Variants in SUV39H2 observed in about 807,000 individuals in gnomAD.
The protein encoded by SUV39H2 is SUV39H2 histone lysine methyltransferase.
A neutral mutation model predicts 47.5 loss-of-function variants in SUV39H2; 10 were observed. The observed-to-expected ratio is 0.21, with a 90% CI of 0.13 to 0.36. The LOEUF is 0.36. SUV39H2 is among the 10% of genes least tolerant of loss of function. SUV39H2 has a pLI of 1.00. For missense variants in SUV39H2, 266 were observed against 487.4 expected, an observed-to-expected ratio of 0.55 and a Z score of 4.28; for synonymous variants, 159 against 166.8, an observed-to-expected ratio of 0.95 and a Z score of 0.36.
intron 1 of SUV39H2, 192 bp downstream of exon 1, chr10:14,879,111 C>T: frequency 7.9e-7 from 1 of 1,266,518 alleles, no homozygotes; most frequent in Non-Finnish European, 9.9e-7. Context: ...CCTGCCCGGC[C>T]GGCTCCCGCC....
At chr10:14,878,941 C>G in intron 1 of SUV39H2, 22 bp downstream of exon 1, 2 of 1,452,110 alleles carry the variant, frequency 1.4e-6, no homozygotes, top group South Asian at 2.8e-5. Flanking sequence ...GCGCGGCCCC[C>G]TCGCCTTCCC....
intron 2 of SUV39H2, among the ~76,000 whole-genome samples, chr10:14,895,352 A>G (rs1431869076): frequency 4.0e-5 from 6 of 151,680 alleles, no homozygotes; most frequent in Non-Finnish European, 8.8e-5. Context: ...AATTTTTTGT[A>G]TTTTTAGTAG....
chr10:14,899,468 T>C lies in SUV39H2; in HGVS notation c.850-71T>C. 9.3e-6 allele frequency: 14 copies of C among 1,513,166 alleles called. No individual in the cohort carries two copies. The South Asian group carries it at 1.7e-4, about 18-fold the overall frequency. The allele number at this position is 1,513,166 out of a possible 1,614,324, so 93.7% of individuals were successfully genotyped here. ...TAAATATTTGTAGGTATTCGCATAT[T>C]AGTAGATAGGTAGATGAATGCTTCT... On this transcript the variant is annotated intron_variant, in intron 3 of 5. Transcript: ENST00000354919.
chr10:14,895,915 T>G (rs540761842), intron 2 of SUV39H2, among the ~76,000 whole-genome samples: 4 of 138,298 alleles, frequency 2.9e-5, no homozygotes, highest in Admixed American at 1.4e-4. Context: ...TCAGTGTGGG[T>G]TTTTTTTTTT....
At position 14,894,368 on chromosome 10, in the gene SUV39H2, T is replaced by G. The variant is rs1176984152; in HGVS notation, c.178-2478T>G. 2.3e-4 allele frequency among the ~76,000 whole-genome samples: 12 copies of G among 51,522 alleles called. 3 individuals are homozygous for G. Among genetic ancestry groups the G allele is most frequent in the Admixed American group, 7.6e-4 (4 of 5,254 alleles). 33.8% of individuals were successfully genotyped at this position (51,522 alleles called of 152,430 possible). The stretch of plus-strand genomic sequence containing the variant: ...AAAGAAAGCAAAGTTTTTTTTTTTT[T>G]TTTTTTTTTTTTTTTTTGAGACGGA... On this transcript the variant is annotated intron_variant, in intron 2 of 5. Transcript: ENST00000354919.
In SUV39H2 at chr10:14,903,497, G is replaced by A. The variant is rs1834157273; in HGVS notation, c.*985G>A. 1 of 152,100 alleles carries A rather than the reference G, an allele frequency of 6.6e-6. No homozygotes were observed. The highest frequency in any genetic ancestry group is 6.5e-5 in the Admixed American group (1 of 15,268). The allele number at this position is 152,100 out of a possible 1,614,324, so 9.4% of individuals were successfully genotyped here. A position where few individuals can be genotyped will look rare whatever the true frequency, so the allele number is the denominator to read the frequency against. ...CAGATTTAATATTTTTATACTTCCTGCAGGTTCTTCTTAAAAAGTAATCTA... is the reference window on the plus strand; with the variant it reads ...CAGATTTAATATTTTTATACTTCCTACAGGTTCTTCTTAAAAAGTAATCTA... On this transcript the variant is annotated 3_prime_UTR_variant, in exon 6 of 6. Coordinates refer to ENST00000354919, the MANE Select transcript of SUV39H2 (RefSeq NM_001193424.2).
chr10:14,891,760 G>A (rs1012180683), intron 2 of SUV39H2, among the ~76,000 whole-genome samples: 5 of 152,178 alleles, frequency 3.3e-5, no homozygotes, highest in African/African-American at 1.2e-4. Flanking sequence ...GATATGGAAG[G>A]ACAGTGGTGA....
At chr10:14,880,219 T>A (rs1346398531) in intron 1 of SUV39H2, among the ~76,000 whole-genome samples, 1 of 152,202 alleles carries the variant, frequency 6.6e-6, no homozygotes, top group Non-Finnish European at 1.5e-5. Flanking sequence ...CCTTTGTCTT[T>A]ACTGCTTTAG....
chr10:14,893,818 A>C (rs1436153771), intron 2 of SUV39H2, among the ~76,000 whole-genome samples: 4 of 152,214 alleles, frequency 2.6e-5, no homozygotes, highest in South Asian at 2.1e-4. Context: ...CAAGTGATTC[A>C]CTAAGATTAA....
intron 4 of SUV39H2, 125 bp from the exon 5 acceptor site, chr10:14,901,008 A>C (rs1463284844): frequency 1.5e-6 from 2 of 1,301,956 alleles, no homozygotes; most frequent in Non-Finnish European, 2.1e-6. Context: ...ACCTCTAAGC[A>C]ATAAGCAACT....
In SUV39H2 at chr10:14,902,388, C is replaced by A. The variant is rs753560054; in HGVS notation, c.1127-18C>A. On this transcript the variant is annotated intron_variant, in intron 5 of 5. Coordinates refer to ENST00000354919, the MANE Select transcript of SUV39H2 (RefSeq NM_001193424.2). The stretch of plus-strand genomic sequence containing the variant: ...TCTTAACTCTCTTTCTCCTATATTT[C>A]TTTTTCTGTGTCTTCAGGTTCTGGA... The A allele has an allele frequency of 2.0e-6, 3 of 1,529,980 alleles. No individual in the cohort carries two copies. The highest frequency in any genetic ancestry group is 1.4e-5 in the African/African-American group (1 of 71,630). The allele number at this position is 1,529,980 out of a possible 1,614,324, so 94.8% of individuals were successfully genotyped here. A position where few individuals can be genotyped will look rare whatever the true frequency, so the allele number is the denominator to read the frequency against.
intron 2 of SUV39H2, among the ~76,000 whole-genome samples, chr10:14,890,727 A>C (rs567339498): frequency 2.0e-5 from 3 of 152,224 alleles, no homozygotes; most frequent in Non-Finnish European, 4.4e-5. Flanking sequence ...GGCAGAAAAA[A>C]TTACCTAGTG....
At chr10:14,891,851 A>G (rs1477591765) in intron 2 of SUV39H2, among the ~76,000 whole-genome samples, 1 of 152,254 alleles carries the variant, frequency 6.6e-6, no homozygotes, top group Non-Finnish European at 1.5e-5. Context: ...TTGGAGAGTC[A>G]TCAGCATATA....
chr10:14,893,836 T>A (rs1833473372), intron 2 of SUV39H2, among the ~76,000 whole-genome samples: 1 of 152,356 alleles, frequency 6.6e-6, no homozygotes, highest in Non-Finnish European at 1.5e-5. Flanking sequence ...TAAATACAAT[T>A]AATTATTTGG....
At position 14,902,782 on chromosome 10, in the gene SUV39H2, A is replaced by G. The variant is rs1187291373; in HGVS notation, c.*270A>G. The G allele has an allele frequency of 4.6e-6, 1 of 216,006 alleles. No individual in the cohort carries two copies. Among genetic ancestry groups the G allele is most frequent in the Non-Finnish European group, 9.3e-6 (1 of 107,932 alleles). 13.4% of individuals were successfully genotyped at this position (216,006 alleles called of 1,614,324 possible). ...TTACAGCTTAGTATATGTGTACTTA[A>G]GTCTATGTGAACAGAGAAATGCCTC... is the stretch of plus-strand genomic sequence containing the variant. On this transcript the variant is annotated 3_prime_UTR_variant, in exon 6 of 6. Coordinates refer to ENST00000354919, the MANE Select transcript of SUV39H2 (RefSeq NM_001193424.2).
rs1051042593 is a variant in SUV39H2 at position 14,882,907 on chromosome 10, G to A, written c.177+1262G>A. Among the ~76,000 whole-genome samples the A allele has an allele frequency of 4.1e-5, 6 of 145,336 alleles. No individual in the cohort carries two copies. In the Admixed American group the frequency reaches 4.2e-4, roughly 10 times the overall value. On this transcript the variant is annotated intron_variant, in intron 2 of 5. Coordinates refer to ENST00000354919, the MANE Select transcript of SUV39H2 (RefSeq NM_001193424.2). ...AAAGGCCCAGAGTCTCGCTCTTGTC[G>A]CCCAGGCTGGAGTGCAGTCGTGCGA...
chr10:14,900,900 T>C (rs1294221937), intron 4 of SUV39H2, among the ~76,000 whole-genome samples: 1 of 152,252 alleles, frequency 6.6e-6, no homozygotes, highest in African/African-American at 2.4e-5. Context: ...GTTGAAGCTG[T>C]ATAGTGGATA....
At chr10:14,884,754 C>G (rs368518389) in intron 2 of SUV39H2, among the ~76,000 whole-genome samples, 68 of 152,284 alleles carry the variant, frequency 4.5e-4, no homozygotes, top group African/African-American at 1.6e-3. Context: ...TTGAAACTCT[C>G]GTCTATGGAG....
chr10:14,898,088 A>ATG (rs1303019407), intron 3 of SUV39H2: 3 of 145,356 alleles, frequency 2.1e-5, no homozygotes, highest in East Asian at 2.2e-4. Context: ...AATCATATAT[A>ATG]TGTATATATA....
Sources: allele counts gnomAD v4.1 joint callset (sites outside exome capture counted in the v4.1 genomes callset), GRCh38; gene constraint gnomAD v4.1.1; transcripts MANE v1.5; gene names NCBI Gene and HGNC (gene_info 2026-07-23, HGNC 2026-07-21).